Variants in ZHX3 observed in about 807,000 individuals in gnomAD.
ZHX3 encodes the protein zinc fingers and homeoboxes protein 3.
Under a neutral mutation model 64.5 loss-of-function variants are expected in ZHX3, and 20 were observed. That is an observed-to-expected ratio of 0.31 (90% CI 0.22 to 0.45). The LOEUF is 0.45. Ranked by LOEUF, ZHX3 falls within the 20% of genes least tolerant of loss-of-function variation. The probability of loss-of-function intolerance (pLI) is 1.00; values close to 1 mark genes in which losing one functional copy is unlikely to be tolerated. For missense variants in ZHX3, 1,041 were observed against 1,195.8 expected (o/e 0.87, Z 1.91); for synonymous variants, 423 against 461.6 (o/e 0.92, Z 1.07).
intron 1 of ZHX3, among the ~76,000 whole-genome samples, chr20:41,296,342 G>A (rs958476316): frequency 6.7e-6 from 1 of 150,352 alleles, no homozygotes; most frequent in African/African-American, 2.4e-5. Flanking sequence ...TTTCTGGAAT[G>A]GGCCACAGAG....
chr20:41,292,372 T>C (rs984865903), intron 1 of ZHX3, among the ~76,000 whole-genome samples: 1 of 152,214 alleles, frequency 6.6e-6, no homozygotes, highest in African/African-American at 2.4e-5. Context: ...CAAGTGCAAA[T>C]GCTTTGTTGT....
At chr20:41,242,983 G>T (rs545228361) in intron 2 of ZHX3, among the ~76,000 whole-genome samples, 9 of 152,162 alleles carry the variant, frequency 5.9e-5, no homozygotes, top group Non-Finnish European at 1.3e-4. Context: ...CATGTACCAG[G>T]AAGTCGTGGG....
rs1290367151 is a variant in ZHX3 at position 41,182,360 on chromosome 20, G to A, written c.*2831C>T. The A allele has an allele frequency of 3.9e-5, 6 of 152,206 alleles. No homozygotes were observed. Among genetic ancestry groups the A allele is most frequent in the African/African-American group, 1.4e-4 (6 of 41,450 alleles). The allele number at this position is 152,206 out of a possible 1,614,324, so 9.4% of individuals were successfully genotyped here. A position where few individuals can be genotyped will look rare whatever the true frequency, so the allele number is the denominator to read the frequency against. ...ACTCTCAACTCTGCAGCCCACAAAT[G>A]CCTTCTACTGAAGGCAACAACACAA... On this transcript the variant is annotated 3_prime_UTR_variant, in exon 4 of 4. Transcript: ENST00000683867. The surrounding 1 kb of genome is among the most constrained non-coding windows in gnomAD (Gnocchi z 6.1).
At chr20:41,233,243 A>C (rs1033549976) in intron 2 of ZHX3, among the ~76,000 whole-genome samples, 5 of 152,256 alleles carry the variant, frequency 3.3e-5, no homozygotes, top group Non-Finnish European at 5.9e-5. Flanking sequence ...ATAAAAGTTA[A>C]GCAACACCTA....
intron 3 of ZHX3, among the ~76,000 whole-genome samples, chr20:41,193,890 C>A (rs376317839): frequency 6.6e-6 from 1 of 151,836 alleles, no homozygotes; most frequent in Non-Finnish European, 1.5e-5. Context: ...TTAGTAGAGA[C>A]GGGGTTTCAT....
rs1173724056 is a variant in ZHX3, at chr20:41,228,807, A to G, written c.-150-23741T>C. On this transcript the variant is annotated intron_variant, in intron 2 of 3. Coordinates refer to ENST00000683867, the MANE Select transcript of ZHX3 (RefSeq NM_001384317.1). The surrounding 1 kb of genome is among the most constrained non-coding windows in gnomAD (Gnocchi z 4.6). ...ATTTTTTTCCTAGTTTCCTTTATTC[A>G]CATCTCTCTTTTCTCTTTTCCCACA... Among the ~76,000 whole-genome samples the G allele has an allele frequency of 6.6e-6, 1 of 152,108 alleles. No individual in the cohort carries two copies. Among genetic ancestry groups the G allele is most frequent in the Admixed American group, 6.6e-5 (1 of 15,260 alleles).
At chr20:41,234,697 T>G (rs1028155852) in intron 2 of ZHX3, among the ~76,000 whole-genome samples, 8 of 152,242 alleles carry the variant, frequency 5.3e-5, no homozygotes, top group Non-Finnish European at 7.3e-5. Context: ...AATACAGCCC[T>G]TTGGTTACTG....
intron 1 of ZHX3, among the ~76,000 whole-genome samples, chr20:41,281,349 G>A (rs1420825178): frequency 6.6e-6 from 1 of 152,180 alleles, no homozygotes; most frequent in African/African-American, 2.4e-5. Context: ...ACTCAAAGGT[G>A]TACTGTAGCA....
chr20:41,287,977 T>C (rs2044022557), intron 1 of ZHX3, among the ~76,000 whole-genome samples: 1 of 152,226 alleles, frequency 6.6e-6, no homozygotes, highest in African/African-American at 2.4e-5. Flanking sequence ...ACTGTGATGA[T>C]ATAACCAGCC....
chr20:41,243,885 A>C (rs920634763), intron 2 of ZHX3, among the ~76,000 whole-genome samples: 2 of 152,120 alleles, frequency 1.3e-5, no homozygotes, highest in Non-Finnish European at 2.9e-5. Context: ...AGGAAAACTT[A>C]AGAGATGTGA....
chr20:41,203,816 C>T lies in ZHX3; in HGVS notation c.1101G>A (p.Glu367=), dbSNP rs1224566475. 6.2e-7 allele frequency: 1 copy of T among 1,614,256 alleles called. No individual in the cohort carries two copies. The highest frequency in any genetic ancestry group is 8.5e-7 in the Non-Finnish European group (1 of 1,180,050). Residue 367 remains glutamate, a synonymous_variant, in exon 3 of 4, where the codon GAG becomes GAA. Transcript: ENST00000683867. This position sits in a 1 kb window ranked among gnomAD's most constrained non-coding sequence, Gnocchi z 7.1. ...ACATCTTTTTCCGGGCATCCTCAAT[C>T]TCCTCAGGGGACCAGCTGATCCCCT... ...LKQGISWSPE[E]IEDARKKMFN...
At chr20:41,276,954 T>C (rs1021375242) in intron 1 of ZHX3, among the ~76,000 whole-genome samples, 20 of 152,340 alleles carry the variant, frequency 1.3e-4, no homozygotes, top group African/African-American at 4.8e-4. Flanking sequence ...ACACACATCA[T>C]GGATAAATCT....
rs1222069908 is a variant in ZHX3 at position 41,185,047 on chromosome 20, G to C, written c.*144C>G. On this transcript the variant is annotated 3_prime_UTR_variant, in exon 4 of 4. Transcript: ENST00000683867. The surrounding 1 kb of genome is among the most constrained non-coding windows in gnomAD (Gnocchi z 5.0). ...CGAGGGTAGCGGCAGGCTCTGGGCT[G>C]TCTGCGAGGATTCTGGAAGCTCTCC... The C allele has an allele frequency of 6.4e-7, 1 of 1,552,140 alleles. No homozygotes were observed. Among genetic ancestry groups the C allele is most frequent in the Non-Finnish European group, 8.7e-7 (1 of 1,147,192 alleles).
At chr20:41,306,884 G>C (rs1244613540) in intron 1 of ZHX3, among the ~76,000 whole-genome samples, 1 of 152,236 alleles carries the variant, frequency 6.6e-6, no homozygotes. Flanking sequence ...GAGGGGTCAA[G>C]TGGAAGAGCC....
intron 1 of ZHX3, among the ~76,000 whole-genome samples, chr20:41,284,844 T>A (rs2043857469): frequency 1.3e-5 from 2 of 152,094 alleles, no homozygotes; most frequent in South Asian, 4.1e-4. Context: ...CTAAGCTCCA[T>A]CCTACCCCCT....
rs187619527 is a variant in ZHX3, at chr20:41,219,086, C to T, written c.-150-14020G>A. Reference sequence around the variant, plus strand: ...CTGGGACTACATGTGTCTGCCACCACGCCCAGCTAATTTTTTGTATTTTTA... The same window carrying T: ...CTGGGACTACATGTGTCTGCCACCATGCCCAGCTAATTTTTTGTATTTTTA... On this transcript the variant is annotated intron_variant, in intron 2 of 3. Coordinates refer to ENST00000683867, the MANE Select transcript of ZHX3 (RefSeq NM_001384317.1). The surrounding 1 kb of genome is among the most constrained non-coding windows in gnomAD (Gnocchi z 5.0). 6.6e-5 allele frequency among the ~76,000 whole-genome samples: 10 copies of T among 152,130 alleles called. No homozygotes were observed. Among genetic ancestry groups the T allele is most frequent in the East Asian group, 5.8e-4 (3 of 5,164 alleles).
intron 1 of ZHX3, among the ~76,000 whole-genome samples, chr20:41,295,900 T>C (rs1231499711): frequency 6.6e-6 from 1 of 150,864 alleles, no homozygotes; most frequent in East Asian, 1.9e-4. Flanking sequence ...TCATTACAAG[T>C]GTAAGAATTT....
At chr20:41,229,662 T>C (rs1212926884) in intron 2 of ZHX3, among the ~76,000 whole-genome samples, 1 of 152,130 alleles carries the variant, frequency 6.6e-6, no homozygotes, top group Non-Finnish European at 1.5e-5. Context: ...TATATTAACG[T>C]TGAGTATTTT....
At chr20:41,275,222 T>C (rs1176398205) in intron 1 of ZHX3, among the ~76,000 whole-genome samples, 1 of 152,174 alleles carries the variant, frequency 6.6e-6, no homozygotes, top group Non-Finnish European at 1.5e-5. Flanking sequence ...ATACCATCTG[T>C]TGAAATAAAC....
Sources: allele counts gnomAD v4.1 joint callset (sites outside exome capture counted in the v4.1 genomes callset), GRCh38; gene constraint gnomAD v4.1.1; non-coding constraint Gnocchi (gnomAD v3.1); transcripts MANE v1.5; gene names NCBI Gene and HGNC (gene_info 2026-07-23, HGNC 2026-07-21).